CCDC171: variants seen among roughly 807,000 people sequenced by gnomAD.
CCDC171 encodes the protein coiled-coil domain containing 171.
In CCDC171, 177 loss-of-function variants were observed where a neutral mutation model predicts 168.2. The observed-to-expected ratio is 1.05, with a 90% CI of 0.93 to 1.19. The LOEUF is 1.19. CCDC171 is among the 50% of genes most tolerant of loss of function. The pLI is 0.00. For missense variants in CCDC171, 1,991 were observed against 1,539.0 expected (o/e 1.29, Z -4.91); for synonymous variants, 687 against 540.8 (o/e 1.27, Z -3.75).
At chr9:15,810,523 G>C (rs550421737) in intron 21 of CCDC171, among the ~76,000 whole-genome samples, 2 of 152,160 alleles carry the variant, frequency 1.3e-5, no homozygotes, top group Non-Finnish European at 2.9e-5. Flanking sequence ...GGGCATGGCG[G>C]GCTGCAGGTC....
intron 7 of CCDC171, among the ~76,000 whole-genome samples, chr9:15,653,334 G>A (rs2047675191): frequency 2.0e-5 from 3 of 151,778 alleles, no homozygotes; most frequent in Admixed American, 2.0e-4. Context: ...TAGAATTGGT[G>A]CTTCACCATG....
intron 3 of CCDC171, among the ~76,000 whole-genome samples, chr9:16,003,788 T>C (rs940391515): frequency 2.0e-5 from 3 of 152,200 alleles, no homozygotes; most frequent in Admixed American, 1.3e-4. Context: ...TGTATGAGGA[T>C]TGGGATGTCC....
chr9:15,633,273 T>C (rs527589181), intron 7 of CCDC171, among the ~76,000 whole-genome samples: 1 of 152,194 alleles, frequency 6.6e-6, no homozygotes, highest in Non-Finnish European at 1.5e-5. Flanking sequence ...AACCTACTCA[T>C]CTGACAAAGG....
At chr9:16,065,245 C>A (rs929375946), downstream of CCDC171, among the ~76,000 whole-genome samples, 1 of 152,204 alleles carries the variant, frequency 6.6e-6, no homozygotes, top group Non-Finnish European at 1.5e-5. Context: ...GAGCTGGCTT[C>A]TAGTGACAGC....
chr9:16,106,818 T>C, the CCDC171 span, among the ~76,000 whole-genome samples: 2 of 152,150 alleles, frequency 1.3e-5, no homozygotes, highest in Non-Finnish European at 2.9e-5. Flanking sequence ...GATTAGGCCA[T>C]GTCCTTATCT....
Position 15,569,810 on chromosome 9 carries a change from G to A in CCDC171, c.42-1814G>A, listed in dbSNP as rs191545863. Reference sequence around the variant, plus strand: ...AGCCTGGGCGACAGAGCGAGACTCCGTCTCAAAAAAAAACAAAAAACAAAA... The same window carrying A: ...AGCCTGGGCGACAGAGCGAGACTCCATCTCAAAAAAAAACAAAAAACAAAA... On this transcript the variant is annotated intron_variant, in intron 2 of 25. Transcript: ENST00000380701. Among the ~76,000 whole-genome samples the A allele has an allele frequency of 2.2e-3, 257 of 118,104 alleles. 2 individuals are homozygous for A. The highest frequency in any genetic ancestry group is 7.3e-3 in the African/African-American group (237 of 32,644). 77.5% of individuals were successfully genotyped at this position (118,104 alleles called of 152,430 possible). A position where few individuals can be genotyped will look rare whatever the true frequency, so the allele number is the denominator to read the frequency against.
chr9:16,047,064 T>TA (rs1833673572), intron 1 of CCDC171, among the ~76,000 whole-genome samples: 1 of 152,180 alleles, frequency 6.6e-6, no homozygotes, highest in South Asian at 2.1e-4. Flanking sequence ...TTTCATCACT[T>TA]ACCACAGTTT....
intron 25 of CCDC171, among the ~76,000 whole-genome samples, chr9:15,934,736 A>G (rs1390142571): frequency 6.6e-6 from 1 of 152,092 alleles, no homozygotes; most frequent in African/African-American, 2.4e-5. Context: ...TTACAAAGCC[A>G]AAAGGTACAA....
At chr9:15,976,389 CAG>C (rs1233528460), downstream of CCDC171, among the ~76,000 whole-genome samples, 1 of 151,904 alleles carries the variant, frequency 6.6e-6, no homozygotes, top group Non-Finnish European at 1.5e-5. Flanking sequence ...ATATAATAAA[CAG>C]TGATTATATT....
At position 15,971,030 on chromosome 9, in the gene CCDC171, G is replaced by A. The variant is rs533559220; in HGVS notation, c.3754-579G>A. 3.3e-5 allele frequency among the ~76,000 whole-genome samples: 5 copies of A among 152,038 alleles called. No homozygotes were observed. In the South Asian group the frequency reaches 1.0e-3, roughly 32 times the overall value. On this transcript the variant is annotated intron_variant, in intron 25 of 25. Transcript: ENST00000380701. Reference sequence around the variant, plus strand: ...TAATAAAGTTGAAAGAAAAAACAGGGTGGTGGCATTATTATTAAAGTAAAG... The same window carrying A: ...TAATAAAGTTGAAAGAAAAAACAGGATGGTGGCATTATTATTAAAGTAAAG...
chr9:15,584,693 T>C (rs2131340808), intron 4 of CCDC171, among the ~76,000 whole-genome samples: 1 of 152,338 alleles, frequency 6.6e-6, no homozygotes, highest in East Asian at 1.9e-4. Flanking sequence ...GTAACCTTCC[T>C]TCTGAGGCCC....
intron 12 of CCDC171, 42 bp downstream of exon 12, chr9:15,721,917 C>T: frequency 9.4e-7 from 1 of 1,061,012 alleles, no homozygotes; most frequent in Non-Finnish European, 1.3e-6. Flanking sequence ...TAGCCTTCGG[C>T]CTGTACCAGT....
chr9:16,065,841 T>TGTGTGTGTGTGC (rs1015627458), downstream of CCDC171, among the ~76,000 whole-genome samples: 575 of 149,216 alleles, frequency 3.9e-3, 1 homozygote, highest in African/African-American at 0.013. Flanking sequence ...TGTGTGTGTG[T>TGTGTGTGTGTGC]GTGCTGATTA....
chr9:15,724,314 T>G (rs1224346639), intron 13 of CCDC171, among the ~76,000 whole-genome samples: 1 of 152,218 alleles, frequency 6.6e-6, no homozygotes, highest in South Asian at 2.1e-4. Flanking sequence ...CTGGACACAC[T>G]TCAAAAGAAT....
At chr9:15,828,489 A>G (rs1461665796) in intron 21 of CCDC171, among the ~76,000 whole-genome samples, 4 of 152,196 alleles carry the variant, frequency 2.6e-5, no homozygotes, top group South Asian at 4.1e-4. Flanking sequence ...TTTTAGATTT[A>G]TATGTAGGAC....
chr9:15,677,765 ATG>A (rs528839652), intron 9 of CCDC171, among the ~76,000 whole-genome samples: 247 of 142,764 alleles, frequency 1.7e-3, no homozygotes, highest in African/African-American at 4.3e-3. Flanking sequence ...ATATACCTAT[ATG>A]TGTGTGTGTG....
At chr9:15,568,947 C>T (rs541883925) in intron 2 of CCDC171, among the ~76,000 whole-genome samples, 109 of 152,270 alleles carry the variant, frequency 7.2e-4, no homozygotes, top group Non-Finnish European at 1.3e-3. Context: ...TTGCTTTAGG[C>T]ATCTTCGTCA....
intron 3 of CCDC171, among the ~76,000 whole-genome samples, chr9:15,574,233 C>T (rs781556224): frequency 6.6e-6 from 1 of 151,988 alleles, no homozygotes; most frequent in Non-Finnish European, 1.5e-5. Context: ...CAACCTCTGC[C>T]TCCCAGGTTC....
At chr9:15,620,927 A>G (rs1036265076) in intron 6 of CCDC171, among the ~76,000 whole-genome samples, 29 of 151,470 alleles carry the variant, frequency 1.9e-4, no homozygotes, top group Admixed American at 1.5e-3. Flanking sequence ...GGGCCAGATG[A>G]TGGTTAGCAT....
Sources: gnomAD v4.1 joint callset for allele counts (sites outside exome capture counted in the v4.1 genomes callset) on GRCh38, gnomAD v4.1.1 for gene constraint, MANE v1.5 for transcripts, NCBI Gene and HGNC (gene_info 2026-07-23, HGNC 2026-07-21) for gene names.